The following GRK4 variants were observed in gnomAD, a reference collection of about 807,000 sequenced individuals.
The protein encoded by GRK4 is G protein-coupled receptor kinase 2-like.
GRK4 carries 73 observed loss-of-function variants against 77.9 expected under a neutral mutation model. That is an observed-to-expected ratio of 0.94 (90% CI 0.78 to 1.14). The LOEUF (loss-of-function observed/expected upper bound fraction) is 1.14. Ranked by LOEUF, GRK4 falls within the 50% of genes most tolerant of loss-of-function variation. The probability of loss-of-function intolerance (pLI) is 0.00; values close to 1 mark genes in which losing one functional copy is unlikely to be tolerated. For missense variants in GRK4, 729 were observed against 700.2 expected, an observed-to-expected ratio of 1.04 and a Z score of -0.46; for synonymous variants, 257 against 254.4, an observed-to-expected ratio of 1.01 and a Z score of -0.10.
intron 6 of GRK4, among the ~76,000 whole-genome samples, chr4:3,009,032 A>T (rs1044953950): frequency 6.6e-6 from 1 of 152,184 alleles, no homozygotes; most frequent in African/African-American, 2.4e-5. Context: ...GGAGTTATGA[A>T]CATACATATT....
intron 1 of GRK4, among the ~76,000 whole-genome samples, chr4:2,983,637 C>T (rs533852177): frequency 1.3e-5 from 2 of 152,222 alleles, no homozygotes; most frequent in African/African-American, 4.8e-5. Flanking sequence ...TCCACCTTTA[C>T]CCTGCTTGAT....
chr4:3,016,164 T>A (rs111673789), intron 8 of GRK4, among the ~76,000 whole-genome samples: 7,198 of 147,690 alleles, frequency 0.049, 268 homozygotes, highest in African/African-American at 0.1. Flanking sequence ...CACCTTGGCC[T>A]CCCAGAATGC....
intron 5 of GRK4, among the ~76,000 whole-genome samples, chr4:3,006,756 G>C (rs1731447107): frequency 6.6e-6 from 1 of 152,086 alleles, no homozygotes; most frequent in African/African-American, 2.4e-5. Context: ...CTGGGTGACA[G>C]AGCCAGACCA....
rs371092461 is a variant in GRK4 at position 2,997,415 on chromosome 4, A to G, written c.339+5123A>G. 5.3e-5 allele frequency among the ~76,000 whole-genome samples: 8 copies of G among 152,340 alleles called. No homozygotes were observed. The East Asian group carries it at 1.5e-3, about 29-fold the overall frequency. On this transcript the variant is annotated intron_variant, in intron 4 of 15. Coordinates refer to ENST00000398052, the MANE Select transcript of GRK4 (RefSeq NM_182982.3). ...AAAGCACTGAGCAAACTAGGAATGA[A>G]ATTAGTCCCTTCATGAAAGTGGAAC...
chr4:3,026,184 A>G (rs1487178023), intron 10 of GRK4, among the ~76,000 whole-genome samples: 1 of 152,204 alleles, frequency 6.6e-6, no homozygotes, highest in Non-Finnish European at 1.5e-5. Flanking sequence ...ATATTGCCAG[A>G]TTCCGCTCCA....
At chr4:2,990,503 C>T (rs564433521) in intron 3 of GRK4, among the ~76,000 whole-genome samples, 5 of 152,100 alleles carry the variant, frequency 3.3e-5, no homozygotes, top group African/African-American at 4.8e-5. Flanking sequence ...GTGATCTGCC[C>T]GTCTCGGCCT....
chr4:3,014,348 G>A (rs1410918722), intron 8 of GRK4, among the ~76,000 whole-genome samples: 1 of 148,484 alleles, frequency 6.7e-6, no homozygotes, highest in African/African-American at 2.5e-5. Flanking sequence ...CCAGGCTGGA[G>A]CGCAATGGCA....
rs779041118 is a variant in GRK4 at position 2,984,552 on chromosome 4, A to G, written c.92A>G (p.Lys31Arg). The G allele has an allele frequency of 1.9e-6, 3 of 1,613,452 alleles. No homozygotes were observed. The South Asian group carries it at 3.3e-5, about 18-fold the overall frequency. ...AAAAGTGGTCGTAGTAAAAAATGGA[A>G]GGAGATACTGACACTGCCTCCTGTC... ...GKKSGRSKKW[K>R]EILTLPPVSQ... Residue 31 changes from lysine to arginine, a missense_variant, in exon 2 of 16, where the codon AAG (lysine) becomes AGG (arginine). Coordinates refer to ENST00000398052, the MANE Select transcript of GRK4 (RefSeq NM_182982.3).
intron 8 of GRK4, among the ~76,000 whole-genome samples, chr4:3,016,414 T>C (rs1482123987): frequency 1.3e-5 from 2 of 150,612 alleles, no homozygotes; most frequent in African/African-American, 4.9e-5. Flanking sequence ...GCTACTTGGG[T>C]GGCTGAGACA....
chr4:2,977,130 A>C (rs899161437), intron 1 of GRK4, among the ~76,000 whole-genome samples: 1 of 151,716 alleles, frequency 6.6e-6, no homozygotes, highest in Non-Finnish European at 1.5e-5. Context: ...GCGGCCTTTC[A>C]TACTCTCTAA....
chr4:3,001,371 T>A (rs146150570), intron 4 of GRK4, among the ~76,000 whole-genome samples: 25,614 of 65,256 alleles, frequency 0.39, 3,348 homozygotes, highest in East Asian at 0.49. Context: ...ATATATATAT[T>A]TTTTTTTTTT....
chr4:2,972,884 A>G (rs1368604510), intron 1 of GRK4, among the ~76,000 whole-genome samples: 1 of 152,068 alleles, frequency 6.6e-6, no homozygotes, highest in East Asian at 1.9e-4. Context: ...ACAGGTGTAC[A>G]CTGCCATCCC....
chr4:3,031,518 G>C (rs1176467382), intron 12 of GRK4, among the ~76,000 whole-genome samples: 1 of 152,216 alleles, frequency 6.6e-6, no homozygotes, highest in Non-Finnish European at 1.5e-5. Context: ...CAGCTAGAGA[G>C]AGGCCGGGGA....
chr4:3,018,335 T>C (rs1028586983), intron 8 of GRK4, among the ~76,000 whole-genome samples: 5 of 152,220 alleles, frequency 3.3e-5, no homozygotes, highest in African/African-American at 1.2e-4. Context: ...AAAATGGAAA[T>C]GTTACTGATA....
At chr4:3,028,109 C>T (rs1297039649) in intron 11 of GRK4, 108 bp downstream of exon 11, 3 of 888,900 alleles carry the variant, frequency 3.4e-6, no homozygotes, top group Non-Finnish European at 3.7e-6. Flanking sequence ...TTTGGACACA[C>T]TAGTAGATGG....
Position 3,007,740 on chromosome 4 carries a change from G to T in GRK4, c.448G>T (p.Ala150Ser), listed in dbSNP as rs1299421782. The T allele has an allele frequency of 1.3e-6, 2 of 1,581,032 alleles. No homozygotes were observed. The highest frequency in any genetic ancestry group is 1.4e-5 in the African/African-American group (1 of 73,440). The change falls in exon 6 of 16, where the codon GCC (alanine) becomes TCC (serine). Residue 150 changes from alanine to serine, a missense_variant. By Grantham distance (99) the Ala-to-Ser change is moderately conservative (BLOSUM62 1). Transcript: ENST00000398052. ...KKAFEECTRV[A>S]HNYLRGEPFE... Reference sequence around the variant, plus strand: ...TTTTAAAAAATCTTTTTCTAGAGTTGCCCATAACTACCTAAGAGGGGAACC... The same window carrying T: ...TTTTAAAAAATCTTTTTCTAGAGTTTCCCATAACTACCTAAGAGGGGAACC...
chr4:2,971,935 C>A (rs1449609166), intron 1 of GRK4, among the ~76,000 whole-genome samples: 2 of 152,202 alleles, frequency 1.3e-5, no homozygotes, highest in Non-Finnish European at 2.9e-5. Context: ...TTAGGGCCCA[C>A]CCTAATGACC....
At chr4:2,983,079 A>G (rs1157463315) in intron 1 of GRK4, among the ~76,000 whole-genome samples, 1 of 152,164 alleles carries the variant, frequency 6.6e-6, no homozygotes, top group Non-Finnish European at 1.5e-5. Flanking sequence ...GAGTAGGGGG[A>G]GTAGAAGAGC....
At chr4:3,014,796 CAAAA>C (rs956817468) in intron 8 of GRK4, among the ~76,000 whole-genome samples, 1 of 150,734 alleles carries the variant, frequency 6.6e-6, no homozygotes, top group African/African-American at 2.4e-5. Flanking sequence ...GACTCCGTTT[CAAAA>C]AAAAGAGAGA....
Sources: allele counts gnomAD v4.1 joint callset (sites outside exome capture counted in the v4.1 genomes callset), GRCh38; gene constraint gnomAD v4.1.1; transcripts MANE v1.5; gene names NCBI Gene and HGNC (gene_info 2026-07-23, HGNC 2026-07-21).